ZNF385D: variants seen among roughly 807,000 people sequenced by gnomAD.
The protein encoded by ZNF385D is zinc finger protein 385D.
In ZNF385D, 15 loss-of-function variants were observed where a neutral mutation model predicts 35.8. The ratio of observed to expected loss-of-function variants is 0.42; its 90% CI spans 0.28 to 0.64. The LOEUF is 0.64. Among genes scored for constraint, ZNF385D ranks in the 30% least tolerant of loss-of-function variants. The pLI is 0.23. For missense variants in ZNF385D, 474 were observed against 494.6 expected (o/e 0.96, Z 0.39); for synonymous variants, 212 against 186.8 (o/e 1.13, Z -1.10).
intron 2 of ZNF385D, among the ~76,000 whole-genome samples, chr3:21,637,483 C>G (rs540097074): frequency 4.6e-5 from 7 of 152,104 alleles, no homozygotes; most frequent in African/African-American, 1.4e-4. Flanking sequence ...ATTTTTATAC[C>G]AGTACCATGC....
intron 3 of ZNF385D, among the ~76,000 whole-genome samples, chr3:21,961,740 G>C (rs1415543586): frequency 6.6e-6 from 1 of 152,066 alleles, no homozygotes; most frequent in African/African-American, 2.4e-5. Flanking sequence ...AGGGATTCAG[G>C]AAAGGCATTT....
intron 4 of ZNF385D, among the ~76,000 whole-genome samples, chr3:21,506,231 C>T (rs1400634561): frequency 6.8e-6 from 1 of 147,322 alleles, no homozygotes; most frequent in Non-Finnish European, 1.5e-5. Context: ...CACTAAAAAG[C>T]TCTAAGAGCC....
chr3:21,743,583 G>C (rs146912164), intron 1 of ZNF385D, among the ~76,000 whole-genome samples: 2 of 152,198 alleles, frequency 1.3e-5, no homozygotes, highest in Non-Finnish European at 2.9e-5. Context: ...TTACGTTCTT[G>C]CTACAGCCTC....
intron 3 of ZNF385D, among the ~76,000 whole-genome samples, chr3:22,089,327 ACTCT>A (rs1421333231): frequency 6.6e-6 from 1 of 152,184 alleles, no homozygotes; most frequent in African/African-American, 2.4e-5. Flanking sequence ...AAATTAATTG[ACTCT>A]CTAGTCCAAA....
At chr3:21,761,522 C>G (rs2070606852) in intron 3 of ZNF385D, among the ~76,000 whole-genome samples, 1 of 152,114 alleles carries the variant, frequency 6.6e-6, no homozygotes, top group South Asian at 2.1e-4. Context: ...TGTTTCCTTA[C>G]CCATGAAGTG....
chr3:22,103,651 A>G (rs919038285), intron 3 of ZNF385D, among the ~76,000 whole-genome samples: 10 of 147,472 alleles, frequency 6.8e-5, no homozygotes, highest in Non-Finnish European at 1.1e-4. Flanking sequence ...TTGCAACTCA[A>G]TGACCCACAT....
intron 2 of ZNF385D, among the ~76,000 whole-genome samples, chr3:22,354,086 G>T (rs923402722): frequency 2.6e-5 from 4 of 151,916 alleles, no homozygotes. Flanking sequence ...TGCTCCATCT[G>T]CTTCTCACTA....
chr3:21,951,497 C>T (rs899800581), intron 3 of ZNF385D, among the ~76,000 whole-genome samples: 7 of 151,702 alleles, frequency 4.6e-5, no homozygotes, highest in African/African-American at 1.7e-4. Flanking sequence ...CATCTGCAAA[C>T]ACAGACAATT....
intron 2 of ZNF385D, among the ~76,000 whole-genome samples, chr3:22,246,340 T>C (rs910230204): frequency 6.6e-6 from 1 of 152,154 alleles, no homozygotes; most frequent in Admixed American, 6.6e-5. Context: ...CTCTGAAGCA[T>C]GTTCCCTACC....
At chr3:22,293,353 C>T (rs1166038131) in intron 2 of ZNF385D, among the ~76,000 whole-genome samples, 5 of 151,982 alleles carry the variant, frequency 3.3e-5, no homozygotes, top group Non-Finnish European at 7.4e-5. Context: ...AATTTAGTAT[C>T]TCTCCTTCTC....
chr3:22,148,714 C>A (rs1322335774), intron 3 of ZNF385D, among the ~76,000 whole-genome samples: 1 of 152,204 alleles, frequency 6.6e-6, no homozygotes, highest in Non-Finnish European at 1.5e-5. Context: ...TCAATTGGAT[C>A]TGTCCTACCT....
At chr3:21,594,925 T>C (rs2064087686) in intron 2 of ZNF385D, among the ~76,000 whole-genome samples, 1 of 152,284 alleles carries the variant, frequency 6.6e-6, no homozygotes, top group South Asian at 2.1e-4. Flanking sequence ...ATATAGTCAA[T>C]CAAGTAAAGT....
At chr3:22,131,527 G>C (rs1489204855) in intron 3 of ZNF385D, among the ~76,000 whole-genome samples, 5 of 152,144 alleles carry the variant, frequency 3.3e-5, no homozygotes, top group African/African-American at 1.2e-4. Context: ...GAAATACCCA[G>C]TAGAGAATGA....
chr3:21,680,302 G>A (rs554203414), intron 1 of ZNF385D, among the ~76,000 whole-genome samples: 2 of 152,160 alleles, frequency 1.3e-5, no homozygotes, highest in South Asian at 4.1e-4. Flanking sequence ...GCCCTTTAAA[G>A]CAAGGTAAAG....
intron 2 of ZNF385D, among the ~76,000 whole-genome samples, chr3:21,593,671 G>T (rs1274860965): frequency 1.3e-5 from 2 of 151,728 alleles, no homozygotes; most frequent in Admixed American, 1.3e-4. Flanking sequence ...CATGAAAAGG[G>T]TTTATTTTCC....
chr3:21,734,525 G>A (rs2069156699), intron 1 of ZNF385D, among the ~76,000 whole-genome samples: 1 of 151,502 alleles, frequency 6.6e-6, no homozygotes, highest in South Asian at 2.1e-4. Flanking sequence ...TTACATTTTT[G>A]GAAATACAGT....
chr3:21,483,922 T>C (rs1575023480), intron 4 of ZNF385D, among the ~76,000 whole-genome samples: 1 of 152,190 alleles, frequency 6.6e-6, no homozygotes, highest in East Asian at 1.9e-4. Context: ...ATTTATCTTT[T>C]TTTTTCTCTT....
chr3:21,591,078 A>T (rs1414577374), intron 2 of ZNF385D, among the ~76,000 whole-genome samples: 1 of 151,980 alleles, frequency 6.6e-6, no homozygotes, highest in Non-Finnish European at 1.5e-5. Flanking sequence ...TGTGCCTGTA[A>T]TCCCAGCTAC....
At chr3:22,031,515 T>C (rs1334390687) in intron 3 of ZNF385D, among the ~76,000 whole-genome samples, 2 of 152,204 alleles carry the variant, frequency 1.3e-5, no homozygotes, top group African/African-American at 4.8e-5. Context: ...CTTGCCCCTT[T>C]TAGCCACGGC....
Sources: allele counts gnomAD v4.1 joint callset (sites outside exome capture counted in the v4.1 genomes callset), GRCh38; gene constraint gnomAD v4.1.1; transcripts MANE v1.5; gene names NCBI Gene and HGNC (gene_info 2026-07-23, HGNC 2026-07-21).